Variants in TTYH2 observed in about 807,000 individuals in gnomAD.
TTYH2 encodes the protein tweety family member 2.
Under a neutral mutation model 68.3 loss-of-function variants are expected in TTYH2, and 49 were observed. That is an observed-to-expected ratio of 0.72 (90% CI 0.57 to 0.91). TTYH2 has a LOEUF of 0.91. Among genes scored for constraint, TTYH2 ranks in the 40% least tolerant of loss-of-function variants. The pLI, the probability that TTYH2 is intolerant of heterozygous loss-of-function variation, is 0.00. For synonymous variants in TTYH2, 272 were observed against 300.8 expected (o/e 0.90, Z 0.99); for missense variants, 631 against 700.4 (o/e 0.90, Z 1.12).
In TTYH2 at chr17:74,215,501, C is replaced by T; in HGVS notation, c.129+1785C>T. On this transcript the variant is annotated intron_variant, in intron 1 of 13. Coordinates refer to ENST00000269346, the MANE Select transcript of TTYH2 (RefSeq NM_032646.6). This position sits in a 1 kb window ranked among gnomAD's most constrained non-coding sequence, Gnocchi z 4.3. ...TGCCCCTCCTCCCAGGATTCTGGCC[C>T]CGGCTCACTTTGTGCTGGGCATCAA... 1.2e-6 allele frequency: 1 copy of T among 850,210 alleles called. No homozygotes were observed. Among genetic ancestry groups the T allele is most frequent in the Non-Finnish European group, 1.8e-6 (1 of 559,274 alleles). The allele number at this position is 850,210 out of a possible 1,614,324, so 52.7% of individuals were successfully genotyped here. A position where few individuals can be genotyped will look rare whatever the true frequency, so the allele number is the denominator to read the frequency against.
At chr17:74,236,216 A>G (rs529026888) in intron 3 of TTYH2, among the ~76,000 whole-genome samples, 1 of 152,152 alleles carries the variant, frequency 6.6e-6, no homozygotes, top group Admixed American at 6.5e-5. Flanking sequence ...CTCCTGCCTC[A>G]TGTCCAGGCT....
intron 2 of TTYH2, among the ~76,000 whole-genome samples, chr17:74,230,171 G>A (rs971634628): frequency 6.6e-6 from 1 of 151,906 alleles, no homozygotes; most frequent in Non-Finnish European, 1.5e-5. Flanking sequence ...GAGGGGAGGG[G>A]GTACTTAATG....
At chr17:74,225,728 T>A (rs2143726910) in intron 2 of TTYH2, among the ~76,000 whole-genome samples, 1 of 152,270 alleles carries the variant, frequency 6.6e-6, no homozygotes. Flanking sequence ...GGGCCCTGGC[T>A]GCCTTACCAC....
intron 11 of TTYH2, 141 bp downstream of exon 11, chr17:74,252,517 G>C: frequency 9.1e-7 from 1 of 1,097,282 alleles, no homozygotes; most frequent in Non-Finnish European, 1.3e-6. Flanking sequence ...AGCCCAACAG[G>C]CTGGCTGACT....
chr17:74,248,070 T>C (rs1311121138), intron 6 of TTYH2: 3 of 154,498 alleles, frequency 1.9e-5, no homozygotes, highest in Admixed American at 1.3e-4. Flanking sequence ...TGCTCTATTG[T>C]GGACCCCTGA....
At chr17:74,223,447 G>T (rs1208192811) in intron 2 of TTYH2, among the ~76,000 whole-genome samples, 1 of 151,958 alleles carries the variant, frequency 6.6e-6, no homozygotes, top group African/African-American at 2.4e-5. Context: ...TGCTCAGGCT[G>T]GTCTTCAACT....
intron 6 of TTYH2, among the ~76,000 whole-genome samples, chr17:74,244,829 C>T (rs924220690): frequency 6.6e-5 from 10 of 151,378 alleles, no homozygotes; most frequent in Non-Finnish European, 8.8e-5. Context: ...TCACTGCAAC[C>T]CCAGGCTTTG....
chr17:74,249,125 C>T (rs1323496596), intron 7 of TTYH2, 45 bp downstream of exon 7: 7 of 1,611,014 alleles, frequency 4.3e-6, no homozygotes, highest in East Asian at 2.2e-5. Flanking sequence ...CATAGGTGGC[C>T]GGACTCTGTG....
chr17:74,218,618 G>A (rs1383176338), intron 1 of TTYH2, among the ~76,000 whole-genome samples: 2 of 152,296 alleles, frequency 1.3e-5, no homozygotes, highest in Non-Finnish European at 2.9e-5. Context: ...ACCTAATTGA[G>A]GCCAGCTGCC....
At chr17:74,242,415 T>C (rs1209375420) in intron 4 of TTYH2, among the ~76,000 whole-genome samples, 1 of 152,142 alleles carries the variant, frequency 6.6e-6, no homozygotes, top group African/African-American at 2.4e-5. Context: ...GTTTTTGAGA[T>C]GGAGTCTCAC....
intron 2 of TTYH2, among the ~76,000 whole-genome samples, chr17:74,227,983 C>CTTTTTTTTTTTTTTTTTTTTTTTTTTT (rs35080135): frequency 1.8e-5 from 2 of 112,558 alleles, no homozygotes; most frequent in African/African-American, 4.6e-5. Flanking sequence ...TCTTTTCTTT[C>CTTTTTTTTTTTTTTTTTTTTTTTTTTT]TTTTTTTTTT....
At chr17:74,249,521 C>T in intron 8 of TTYH2, 122 bp downstream of exon 8, 2 of 1,050,916 alleles carry the variant, frequency 1.9e-6, no homozygotes, top group Non-Finnish European at 1.4e-6. Flanking sequence ...TGGTCCTCTC[C>T]TTAGCTGCTT....
intron 3 of TTYH2, among the ~76,000 whole-genome samples, chr17:74,236,301 C>CCA (rs974515009): frequency 6.6e-6 from 1 of 152,188 alleles, no homozygotes; most frequent in Non-Finnish European, 1.5e-5. Context: ...CGTTCAGGAC[C>CCA]CGGTGTGCTG....
rs780183548 is a variant in TTYH2, at chr17:74,213,730, G to A, written c.129+14G>A. The A allele has an allele frequency of 1.2e-6, 2 of 1,605,294 alleles. No homozygotes were observed. Among genetic ancestry groups the A allele is most frequent in the East Asian group, 2.3e-5 (1 of 44,160 alleles). On this transcript the variant is annotated intron_variant, in intron 1 of 13. Transcript: ENST00000269346. This position sits in a 1 kb window ranked among gnomAD's most constrained non-coding sequence, Gnocchi z 6.1. ...AGTTACCAGGAGGTAAGTTTACGCC[G>A]CCCCAGACCGCAGCCACGCGCGCCC...
At position 74,222,634 on chromosome 17, in the gene TTYH2, C is replaced by A. The variant is rs776995545; in HGVS notation, c.279C>A (p.Ala93=). The A allele has an allele frequency of 6.2e-7, 1 of 1,610,242 alleles. No homozygotes were observed. The highest frequency in any genetic ancestry group is 2.2e-5 in the East Asian group (1 of 44,870). Residue 93 remains alanine, a synonymous_variant, in exon 2 of 14, where the codon GCC becomes GCA. Transcript: ENST00000269346. The surrounding 1 kb of genome is among the most constrained non-coding windows in gnomAD (Gnocchi z 5.2). ...QHHSCCITWT[A]VVAGLICCAA... ...ACTCCTGCTGCATCACCTGGACGGC[C>A]GTGGTGGCCGGGCTCATCTGCTGGT...
chr17:74,223,668 T>G (rs2050301379), intron 2 of TTYH2, among the ~76,000 whole-genome samples: 2 of 152,154 alleles, frequency 1.3e-5, no homozygotes, highest in Admixed American at 1.3e-4. Context: ...TGTTTTTAAA[T>G]CTATAATGAT....
chr17:74,254,076 T>C (rs1299329784), intron 13 of TTYH2, among the ~76,000 whole-genome samples: 1 of 152,220 alleles, frequency 6.6e-6, no homozygotes, highest in Non-Finnish European at 1.5e-5. Context: ...ATACCTGTCA[T>C]CCAGCAAGAG....
intron 2 of TTYH2, among the ~76,000 whole-genome samples, chr17:74,230,142 A>C (rs2050372928): frequency 1.3e-5 from 2 of 152,150 alleles, no homozygotes; most frequent in South Asian, 4.2e-4. Flanking sequence ...AAAAAATAAA[A>C]ATAAAAATAA....
At chr17:74,220,828 C>T (rs1412748979) in intron 1 of TTYH2, among the ~76,000 whole-genome samples, 1 of 152,036 alleles carries the variant, frequency 6.6e-6, no homozygotes, top group African/African-American at 2.4e-5. Context: ...CCTCTGTCAC[C>T]CAGGCCGGAG....
Sources: gnomAD v4.1 joint callset for allele counts (sites outside exome capture counted in the v4.1 genomes callset) on GRCh38, gnomAD v4.1.1 for gene constraint, Gnocchi (gnomAD v3.1) non-coding constraint, MANE v1.5 for transcripts, NCBI Gene and HGNC (gene_info 2026-07-23, HGNC 2026-07-21) for gene names.